The following RASAL2 variants were observed in gnomAD, a reference collection of about 807,000 sequenced individuals.
The protein encoded by RASAL2 is ras GTPase-activating protein nGAP.
In RASAL2, 58 loss-of-function variants were observed where a neutral mutation model predicts 128.9. The observed-to-expected ratio is 0.45, with a 90% CI of 0.36 to 0.56. The LOEUF (loss-of-function observed/expected upper bound fraction) is 0.56, where lower values mean the gene tolerates loss of function less well. RASAL2 is among the 20% of genes least tolerant of loss of function. The pLI, the probability that RASAL2 is intolerant of heterozygous loss-of-function variation, is 0.00. For missense variants in RASAL2, 1,360 were observed against 1,601.6 expected (o/e 0.85, Z 2.57); for synonymous variants, 561 against 580.8 (o/e 0.97, Z 0.49).
intron 3 of RASAL2, among the ~76,000 whole-genome samples, chr1:178,335,763 T>C (rs1462274372): frequency 6.6e-6 from 1 of 152,160 alleles, no homozygotes; most frequent in Admixed American, 6.6e-5. Flanking sequence ...ATTCAGTACA[T>C]CGTTCCAATA....
At chr1:178,462,988 C>G (rs1647264124) in intron 14 of RASAL2, among the ~76,000 whole-genome samples, 1 of 152,110 alleles carries the variant, frequency 6.6e-6, no homozygotes, top group African/African-American at 2.4e-5. Context: ...CTCTGATAGC[C>G]TTTTAGTCTC....
chr1:178,458,219 C>T lies in RASAL2; in HGVS notation c.2927C>T (p.Thr976Ile), dbSNP rs766073748. The T allele has an allele frequency of 1.9e-6, 3 of 1,614,252 alleles. No homozygotes were observed. Among genetic ancestry groups the T allele is most frequent in the South Asian group, 2.2e-5 (2 of 91,090 alleles). Reference protein sequence around the residue: ...GPSNSSMEDFTKRSTQSEDFS... With the variant: ...GPSNSSMEDFIKRSTQSEDFS... ...AGCAATAGCAGCATGGAAGATTTCA[C>T]TAAACGTAGCACTCAGAGTGAGGAC... The change falls in exon 14 of 18, where the codon ACT becomes ATT. Residue 976 changes from threonine to isoleucine, a missense_variant. By Grantham distance (89) the Thr-to-Ile change is moderately conservative. Around this residue, in one of 3 missense-constraint regions of RASAL2, gnomAD observed 741 missense variants for 868.6 expected, o/e 0.85. Coordinates refer to ENST00000367649, the MANE Select transcript of RASAL2 (RefSeq NM_170692.4).
chr1:178,381,739 A>G (rs1354126232), intron 3 of RASAL2, among the ~76,000 whole-genome samples: 1 of 152,046 alleles, frequency 6.6e-6, no homozygotes, highest in Non-Finnish European at 1.5e-5. Context: ...TATACCCCCA[A>G]TTGTACATGA....
At chr1:178,389,176 A>G (rs991736645) in intron 3 of RASAL2, 1 of 596,072 alleles carries the variant, frequency 1.7e-6, no homozygotes, top group African/African-American at 2.0e-5. Flanking sequence ...TCTGGAAGAT[A>G]ACACAGAATA....
chr1:178,240,841 TATA>T (rs1248091437), intron 1 of RASAL2, among the ~76,000 whole-genome samples: 1 of 151,588 alleles, frequency 6.6e-6, no homozygotes, highest in African/African-American at 2.4e-5. Context: ...ATTATTTTAT[TATA>T]ATGTTTTTTA....
intron 4 of RASAL2, among the ~76,000 whole-genome samples, chr1:178,407,258 G>T (rs556494753): frequency 6.6e-6 from 1 of 152,294 alleles, no homozygotes; most frequent in African/African-American, 2.4e-5. Context: ...ATAACTGGAA[G>T]ATAAACTTAA....
chr1:178,312,535 C>T (rs553223219), intron 3 of RASAL2, among the ~76,000 whole-genome samples: 82 of 152,186 alleles, frequency 5.4e-4, no homozygotes, highest in Middle Eastern at 3.4e-3. Flanking sequence ...TTTCCTGAAG[C>T]TAATGAAAGA....
At chr1:178,351,008 C>T (rs1414230214) in intron 3 of RASAL2, among the ~76,000 whole-genome samples, 3 of 152,114 alleles carry the variant, frequency 2.0e-5, no homozygotes, top group South Asian at 2.1e-4. Flanking sequence ...GAAGGCAAAA[C>T]GAGATCAGGC....
At chr1:178,295,916 C>T (rs1490022796) in intron 2 of RASAL2, among the ~76,000 whole-genome samples, 2 of 152,008 alleles carry the variant, frequency 1.3e-5, no homozygotes, top group African/African-American at 4.8e-5. Context: ...TGCTAGTTAG[C>T]GTAATCTTGA....
At chr1:178,330,818 T>A (rs1207062283) in intron 3 of RASAL2, among the ~76,000 whole-genome samples, 2 of 152,210 alleles carry the variant, frequency 1.3e-5, no homozygotes, top group African/African-American at 4.8e-5. Flanking sequence ...CATCTTCATT[T>A]ATGGAATTTC....
chr1:178,379,851 G>T (rs1453578117), intron 3 of RASAL2, among the ~76,000 whole-genome samples: 1 of 152,128 alleles, frequency 6.6e-6, no homozygotes, highest in Non-Finnish European at 1.5e-5. Context: ...AAATGAATAA[G>T]ATATCAAGAC....
At chr1:178,257,688 T>A (rs1271022581) in intron 1 of RASAL2, among the ~76,000 whole-genome samples, 1 of 151,418 alleles carries the variant, frequency 6.6e-6, no homozygotes, top group Non-Finnish European at 1.5e-5. Context: ...CTACCAAAAA[T>A]ACAAAAAATT....
chr1:178,145,286 T>C (rs1256709833), intron 1 of RASAL2, among the ~76,000 whole-genome samples: 2 of 152,048 alleles, frequency 1.3e-5, no homozygotes, highest in Non-Finnish European at 2.9e-5. Context: ...AACTAAAAAA[T>C]GTAGAAAAGA....
At chr1:178,160,043 G>C (rs75863825) in intron 1 of RASAL2, among the ~76,000 whole-genome samples, 9,577 of 151,150 alleles carry the variant, frequency 0.063, 375 homozygotes, top group Middle Eastern at 0.09. Context: ...GGAAATAACC[G>C]GTCTATTTTC....
chr1:178,433,216 A>C (rs565967397), intron 5 of RASAL2, among the ~76,000 whole-genome samples: 14 of 152,150 alleles, frequency 9.2e-5, no homozygotes, highest in Admixed American at 7.9e-4. Context: ...TTTTCTGTAG[A>C]TCTCCACACC....
intron 5 of RASAL2, among the ~76,000 whole-genome samples, chr1:178,425,973 C>T (rs895759890): frequency 6.6e-6 from 1 of 152,154 alleles, no homozygotes; most frequent in Non-Finnish European, 1.5e-5. Flanking sequence ...TACCCACCTA[C>T]TCTGGAAAGG....
rs762212535 is a variant in RASAL2, at chr1:178,458,207, T to A, written c.2915T>A (p.Met972Lys). ...CTCAGTGGACCCAGCAATAGCAGCA[T>A]GGAAGATTTCACTAAACGTAGCACT... is the stretch of plus-strand genomic sequence containing the variant. ...FKLSGPSNSSMEDFTKRSTQS... is the reference protein window; with the variant it reads ...FKLSGPSNSSKEDFTKRSTQS... The change falls in exon 14 of 18, where the codon ATG (methionine) becomes AAG (lysine). Residue 972 changes from methionine to lysine, a missense_variant. Met to Lys is a moderately conservative substitution (Grantham distance 95). Around this residue, in one of 3 missense-constraint regions of RASAL2, gnomAD observed 741 missense variants for 868.6 expected, o/e 0.85. Transcript: ENST00000367649. 1.8e-5 allele frequency: 29 copies of A among 1,614,112 alleles called. No individual in the cohort carries two copies. The highest frequency in any genetic ancestry group is 2.5e-5 in the Non-Finnish European group (29 of 1,180,052).
At chr1:178,108,332 T>C (rs1021062792) in intron 1 of RASAL2, among the ~76,000 whole-genome samples, 4 of 152,184 alleles carry the variant, frequency 2.6e-5, no homozygotes, top group African/African-American at 9.7e-5. Flanking sequence ...TCACTGATGG[T>C]GTTAATTATT....
intron 3 of RASAL2, among the ~76,000 whole-genome samples, chr1:178,378,140 A>AT (rs982791537): frequency 2.4e-4 from 36 of 151,770 alleles, no homozygotes; most frequent in African/African-American, 8.0e-4. Context: ...GTCAGACTGG[A>AT]TTTTTTTTAA....
Sources: gnomAD v4.1 joint callset for allele counts (sites outside exome capture counted in the v4.1 genomes callset) on GRCh38, gnomAD v4.1.1 for gene constraint, gnomAD v4.1.1 regional missense constraint, MANE v1.5 for transcripts, NCBI Gene and HGNC (gene_info 2026-07-23, HGNC 2026-07-21) for gene names.